SPAG16: variants seen among roughly 807,000 people sequenced by gnomAD.
The protein encoded by SPAG16 is sperm-associated antigen 16 protein.
SPAG16 carries 86 observed loss-of-function variants against 80.4 expected under a neutral mutation model. The ratio of observed to expected loss-of-function variants is 1.07; its 90% CI spans 0.90 to 1.28. SPAG16 has a LOEUF of 1.28. Among genes scored for constraint, SPAG16 ranks in the 50% most tolerant of loss-of-function variants. The pLI, the probability that SPAG16 is intolerant of heterozygous loss-of-function variation, is 0.00. For synonymous variants in SPAG16, 294 were observed against 265.9 expected (o/e 1.11, Z -1.03); for missense variants, 870 against 765.3 (o/e 1.14, Z -1.61).
intron 10 of SPAG16, among the ~76,000 whole-genome samples, chr2:213,794,660 CA>C (rs2070913799): frequency 6.6e-6 from 1 of 152,136 alleles, no homozygotes; most frequent in Non-Finnish European, 1.5e-5. Flanking sequence ...TGAAATCTCA[CA>C]AGATAGGTAC....
intron 10 of SPAG16, among the ~76,000 whole-genome samples, chr2:213,838,810 G>T (rs1324948867): frequency 6.6e-6 from 1 of 152,102 alleles, no homozygotes; most frequent in Non-Finnish European, 1.5e-5. Flanking sequence ...TTGGGGGATT[G>T]GCTATTATCT....
chr2:213,413,549 TGA>T (rs1357942697), intron 9 of SPAG16, among the ~76,000 whole-genome samples: 1 of 152,132 alleles, frequency 6.6e-6, no homozygotes, highest in Non-Finnish European at 1.5e-5. Flanking sequence ...TTATAACTAT[TGA>T]GAGGACTACA....
intron 10 of SPAG16, among the ~76,000 whole-genome samples, chr2:213,807,137 T>G (rs527814520): frequency 6.6e-6 from 1 of 152,298 alleles, no homozygotes; most frequent in South Asian, 2.1e-4. Context: ...ACTAACACAC[T>G]ATTTTGGTCC....
chr2:213,763,390 A>C (rs2068763097), intron 10 of SPAG16, among the ~76,000 whole-genome samples: 1 of 152,238 alleles, frequency 6.6e-6, no homozygotes, highest in African/African-American at 2.4e-5. Context: ...ATGTGGATGA[A>C]CCTTAAGGGC....
chr2:214,243,142 C>G (rs1470821667), intron 15 of SPAG16, among the ~76,000 whole-genome samples: 1 of 152,038 alleles, frequency 6.6e-6, no homozygotes, highest in Non-Finnish European at 1.5e-5. Context: ...GGTTCAATGT[C>G]TGGAAATATT....
At chr2:213,492,485 G>C (rs941872094) in intron 10 of SPAG16, among the ~76,000 whole-genome samples, 1 of 152,010 alleles carries the variant, frequency 6.6e-6, no homozygotes, top group African/African-American at 2.4e-5. Context: ...GGGAGGTGGA[G>C]CTTGCAGTGA....
intron 12 of SPAG16, among the ~76,000 whole-genome samples, chr2:213,963,772 A>G (rs566339052): frequency 3.3e-5 from 5 of 152,230 alleles, no homozygotes; most frequent in Non-Finnish European, 7.4e-5. Context: ...ATTTTAGGAC[A>G]TCCCTGTTTA....
chr2:214,178,992 A>G (rs2057223235), intron 15 of SPAG16, among the ~76,000 whole-genome samples: 1 of 151,416 alleles, frequency 6.6e-6, no homozygotes. Context: ...GCAAACTAAG[A>G]TGACCCACTC....
intron 10 of SPAG16, among the ~76,000 whole-genome samples, chr2:213,801,859 G>C (rs565028580): frequency 6.6e-6 from 1 of 152,280 alleles, no homozygotes; most frequent in East Asian, 1.9e-4. Context: ...TGTATAATGT[G>C]AATAAGAATT....
rs2079549195 is a variant in SPAG16, at chr2:213,948,010, C to A, written c.1400+17865C>A. Among the ~76,000 whole-genome samples, 5 of 152,012 alleles carry A rather than the reference C, an allele frequency of 3.3e-5. No homozygotes were observed. In the South Asian group the frequency reaches 1.0e-3, roughly 32 times the overall value. On this transcript the variant is annotated intron_variant, in intron 12 of 15. Transcript: ENST00000331683. The stretch of plus-strand genomic sequence containing the variant: ...TTGCTGATCATCAATTGCTGTATTC[C>A]TTTTCTAGTTAATTTCTGCACTTTT...
intron 9 of SPAG16, among the ~76,000 whole-genome samples, chr2:213,478,363 T>C (rs192310523): frequency 0.096 from 14,574 of 152,164 alleles, 1,797 homozygotes; most frequent in African/African-American, 0.29. Context: ...GCTGTTTAGA[T>C]ATCTTAAGTC....
chr2:214,330,173 A>C (rs1383524644), intron 15 of SPAG16, among the ~76,000 whole-genome samples: 1 of 150,866 alleles, frequency 6.6e-6, no homozygotes, highest in Non-Finnish European at 1.5e-5. Context: ...GCTACTTTGG[A>C]GGCTGAGGCA....
At chr2:213,804,403 G>C (rs534537048) in intron 10 of SPAG16, among the ~76,000 whole-genome samples, 1 of 152,204 alleles carries the variant, frequency 6.6e-6, no homozygotes, top group African/African-American at 2.4e-5. Context: ...CATTATAAGG[G>C]CCGGGCACTG....
At chr2:213,849,191 G>C (rs550152406) in intron 10 of SPAG16, among the ~76,000 whole-genome samples, 1 of 152,240 alleles carries the variant, frequency 6.6e-6, no homozygotes, top group East Asian at 1.9e-4. Flanking sequence ...CACGGCAGGA[G>C]ATGAAACGAG....
intron 15 of SPAG16, among the ~76,000 whole-genome samples, chr2:214,346,020 CACAAACATGTAAATGCATATAT>C (rs1462324541): frequency 2.0e-5 from 3 of 152,158 alleles, no homozygotes; most frequent in Non-Finnish European, 2.9e-5. Flanking sequence ...TGTGAACATT[CACAAACATGTAAATGCATATAT>C]GCTGGGTTAT....
At chr2:213,740,493 TC>T (rs958358717) in intron 10 of SPAG16, among the ~76,000 whole-genome samples, 1 of 152,182 alleles carries the variant, frequency 6.6e-6, no homozygotes, top group African/African-American at 2.4e-5. Flanking sequence ...TTTTAAGAAG[TC>T]AATTTTAAGT....
intron 12 of SPAG16, among the ~76,000 whole-genome samples, chr2:214,006,749 CTAAT>C (rs1251299282): frequency 6.6e-6 from 1 of 152,206 alleles, no homozygotes; most frequent in East Asian, 1.9e-4. Flanking sequence ...TCTCTGGCAG[CTAAT>C]TAATCTTTCA....
At chr2:213,876,837 A>T (rs2076161238) in intron 11 of SPAG16, among the ~76,000 whole-genome samples, 1 of 152,166 alleles carries the variant, frequency 6.6e-6, no homozygotes, top group Non-Finnish European at 1.5e-5. Context: ...CCTCGCTCAG[A>T]TGCATGTCCT....
intron 9 of SPAG16, among the ~76,000 whole-genome samples, chr2:213,389,595 A>G (rs987002399): frequency 6.6e-6 from 1 of 152,122 alleles, no homozygotes; most frequent in African/African-American, 2.4e-5. Flanking sequence ...TTAATAACAC[A>G]TTTCTAGATT....
Sources: allele counts gnomAD v4.1 joint callset (sites outside exome capture counted in the v4.1 genomes callset), GRCh38; gene constraint gnomAD v4.1.1; transcripts MANE v1.5; gene names NCBI Gene and HGNC (gene_info 2026-07-23, HGNC 2026-07-21).